SLC25A13: variants seen among roughly 807,000 people sequenced by gnomAD.
The protein encoded by SLC25A13 is electrogenic aspartate/glutamate antiporter SLC25A13, mitochondrial.
A neutral mutation model predicts 85.5 loss-of-function variants in SLC25A13; 70 were observed. That is an observed-to-expected ratio of 0.82 (90% CI 0.68 to 1.00). SLC25A13 has a LOEUF of 1.00. Among genes scored for constraint, SLC25A13 ranks in the 50% least tolerant of loss-of-function variants. The pLI, the probability that SLC25A13 is intolerant of heterozygous loss-of-function variation, is 0.00. For missense variants in SLC25A13, 765 were observed against 819.8 expected (o/e 0.93, Z 0.82); for synonymous variants, 259 against 288.7 (o/e 0.90, Z 1.04).
intron 4 of SLC25A13, among the ~76,000 whole-genome samples, chr7:96,211,686 G>T (rs1312214750): frequency 6.6e-6 from 1 of 152,184 alleles, no homozygotes; most frequent in Non-Finnish European, 1.5e-5. Context: ...AAATGAGCCA[G>T]AAAAGGTTTA....
intron 1 of SLC25A13, among the ~76,000 whole-genome samples, chr7:96,307,246 T>A (rs1799780489): frequency 6.6e-6 from 1 of 152,116 alleles, no homozygotes; most frequent in South Asian, 2.1e-4. Context: ...ATACGGGAAA[T>A]GTGTACAATG....
intron 3 of SLC25A13, among the ~76,000 whole-genome samples, chr7:96,269,583 G>A (rs1309721251): frequency 6.6e-6 from 1 of 152,190 alleles, no homozygotes; most frequent in Non-Finnish European, 1.5e-5. Flanking sequence ...AGCTACATGA[G>A]TGTATTCATT....
intron 15 of SLC25A13, among the ~76,000 whole-genome samples, chr7:96,124,986 A>G (rs913240950): frequency 1.3e-5 from 2 of 152,058 alleles, no homozygotes; most frequent in Admixed American, 1.3e-4. Flanking sequence ...CCAAAAACCA[A>G]CCATTCTTGC....
intron 2 of SLC25A13, among the ~76,000 whole-genome samples, chr7:96,288,915 G>C (rs1799000610): frequency 6.6e-6 from 1 of 152,146 alleles, no homozygotes; most frequent in Admixed American, 6.5e-5. Flanking sequence ...GAGAGTAGTG[G>C]TTCTCCCAGC....
intron 5 of SLC25A13, among the ~76,000 whole-genome samples, chr7:96,193,947 C>T (rs914824951): frequency 2.6e-5 from 4 of 152,146 alleles, no homozygotes; most frequent in African/African-American, 9.7e-5. Context: ...ACAGAAAGTC[C>T]AATCACAGAG....
chr7:96,128,603 G>A (rs143626905), intron 15 of SLC25A13, among the ~76,000 whole-genome samples: 46 of 152,122 alleles, frequency 3.0e-4, no homozygotes, highest in African/African-American at 8.9e-4. Context: ...GATAATAATA[G>A]GAAAGTCAAT....
chr7:96,269,732 C>G (rs535224494), intron 3 of SLC25A13, among the ~76,000 whole-genome samples: 1 of 152,108 alleles, frequency 6.6e-6, no homozygotes, highest in Admixed American at 6.6e-5. Flanking sequence ...TACAGATGAA[C>G]GGATGAAGAA....
chr7:96,194,440 C>A (rs1794978778), intron 5 of SLC25A13, among the ~76,000 whole-genome samples: 1 of 798 alleles, frequency 1.3e-3, no homozygotes. Flanking sequence ...GAAACCTTGT[C>A]TCAAAAAAAA....
At position 96,261,652 on chromosome 7, in the gene SLC25A13, G is replaced by C. The variant is rs575018993; in HGVS notation, c.212+15544C>G. 3.3e-5 allele frequency among the ~76,000 whole-genome samples: 5 copies of C among 152,206 alleles called. No individual in the cohort carries two copies. In the East Asian group the frequency reaches 9.7e-4, roughly 29 times the overall value. ...AGGAAGCAACTCACTGACAATCATGGCACAATTATGCCACAATCAATGGGA... is the reference window on the plus strand; with the variant it reads ...AGGAAGCAACTCACTGACAATCATGCCACAATTATGCCACAATCAATGGGA... On this transcript the variant is annotated intron_variant, in intron 3 of 17. Coordinates refer to ENST00000265631, the MANE Select transcript of SLC25A13 (RefSeq NM_014251.3).
chr7:96,298,198 T>C (rs1372324871), intron 1 of SLC25A13, among the ~76,000 whole-genome samples: 2 of 152,198 alleles, frequency 1.3e-5, no homozygotes, highest in Non-Finnish European at 2.9e-5. Context: ...TTCTGTGAGC[T>C]AGTGAAGGCT....
At chr7:96,189,455 C>CT (rs1491418390) in intron 8 of SLC25A13, 77 bp from the exon 9 acceptor site, 7 of 1,556,302 alleles carry the variant, frequency 4.5e-6, no homozygotes, top group Non-Finnish European at 6.2e-6. Flanking sequence ...AAAAACATCC[C>CT]TTTTTTCATT....
intron 14 of SLC25A13, among the ~76,000 whole-genome samples, chr7:96,141,937 A>T (rs919180408): frequency 5.3e-5 from 8 of 152,244 alleles, no homozygotes; most frequent in African/African-American, 9.6e-5. Context: ...ATACATAGGG[A>T]TGATCACCAT....
chr7:96,269,129 C>T (rs146847987), intron 3 of SLC25A13, among the ~76,000 whole-genome samples: 3 of 152,242 alleles, frequency 2.0e-5, no homozygotes, highest in African/African-American at 7.2e-5. Flanking sequence ...TTTCCATTCA[C>T]CATGTTATCC....
At chr7:96,277,718 T>C (rs1240552575) in intron 2 of SLC25A13, among the ~76,000 whole-genome samples, 1 of 151,944 alleles carries the variant, frequency 6.6e-6, no homozygotes, top group African/African-American at 2.4e-5. Flanking sequence ...GTGGGCAGTG[T>C]CCAGGTTCAG....
chr7:96,185,650 G>C (rs1269439947), intron 9 of SLC25A13, among the ~76,000 whole-genome samples: 1 of 151,778 alleles, frequency 6.6e-6, no homozygotes, highest in Non-Finnish European at 1.5e-5. Flanking sequence ...CAGCACTTCA[G>C]GAGGCCGAGG....
At chr7:96,263,026 GAAAA>G (rs5885951) in intron 3 of SLC25A13, among the ~76,000 whole-genome samples, 14 of 133,278 alleles carry the variant, frequency 1.1e-4, no homozygotes, top group African/African-American at 3.9e-4. Context: ...AACCATCTAG[GAAAA>G]AAAAAAAAAA....
At position 96,184,670 on chromosome 7, in the gene SLC25A13, G is replaced by A. The variant is rs1441864897; in HGVS notation, c.1019-235C>T. ...TTTTAAATTAAGGCACATTGCTACA[G>A]CCCAACCTCATTAGTAACCTGTCTT... On this transcript the variant is annotated intron_variant, in intron 10 of 17. Transcript: ENST00000265631. The A allele has an allele frequency of 9.5e-6, 6 of 631,386 alleles. No homozygotes were observed. The East Asian group carries it at 1.4e-4, about 14-fold the overall frequency. 39.1% of individuals were successfully genotyped at this position (631,386 alleles called of 1,614,324 possible). A position where few individuals can be genotyped will look rare whatever the true frequency, so the allele number is the denominator to read the frequency against.
chr7:96,234,670 C>G, intron 4 of SLC25A13, 132 bp downstream of exon 4: 2 of 669,214 alleles, frequency 3.0e-6, no homozygotes. Context: ...ATTGAAGTAT[C>G]TTTACTAAAA....
rs140181960 is a variant in SLC25A13, at chr7:96,206,304, C to A, written c.468+2534G>T. Among the ~76,000 whole-genome samples the A allele has an allele frequency of 5.9e-5, 9 of 152,284 alleles. No individual in the cohort carries two copies. In the East Asian group the frequency reaches 1.7e-3, roughly 29 times the overall value. ...CTGCCCAAGAACAGAAAGGCGGATA[C>A]CTGCCTGACAAAGCAAGAGCCTGAA... is the stretch of plus-strand genomic sequence containing the variant. On this transcript the variant is annotated intron_variant, in intron 5 of 17. Coordinates refer to ENST00000265631, the MANE Select transcript of SLC25A13 (RefSeq NM_014251.3).
Sources: allele counts gnomAD v4.1 joint callset (sites outside exome capture counted in the v4.1 genomes callset), GRCh38; gene constraint gnomAD v4.1.1; transcripts MANE v1.5; gene names NCBI Gene and HGNC (gene_info 2026-07-23, HGNC 2026-07-21).